RETREG1: variants seen among roughly 807,000 people sequenced by gnomAD.
The protein encoded by RETREG1 is reticulophagy regulator 1, also known as family with sequence similarity 134 member B.
RETREG1 carries 44 observed loss-of-function variants against 54.8 expected under a neutral mutation model. The ratio of observed to expected loss-of-function variants is 0.80; its 90% confidence interval spans 0.63 to 1.03. The LOEUF is 1.03. Among genes scored for constraint, RETREG1 ranks in the 50% least tolerant of loss-of-function variants. The pLI is 0.00. For missense variants in RETREG1, 554 were observed against 605.1 expected, an observed-to-expected ratio of 0.92 and a Z score of 0.89; for synonymous variants, 217 against 238.5, an observed-to-expected ratio of 0.91 and a Z score of 0.83.
intron 3 of RETREG1, among the ~76,000 whole-genome samples, chr5:16,549,429 T>C (rs903220651): frequency 6.6e-6 from 1 of 152,200 alleles, no homozygotes; most frequent in Non-Finnish European, 1.5e-5. Context: ...ACCGCTCATA[T>C]ATTAATATAA....
At chr5:16,507,987 T>A (rs1420053738) in intron 3 of RETREG1, among the ~76,000 whole-genome samples, 1 of 152,236 alleles carries the variant, frequency 6.6e-6, no homozygotes, top group Non-Finnish European at 1.5e-5. Flanking sequence ...TGAGCAGGAA[T>A]TAATTGTCTG....
rs760060896 is a variant in RETREG1, at chr5:16,483,373, A to G, written c.558T>C (p.Ser186=). ...TGCCAGGGCTCTGCTGTTTAAAAAG[A>G]GACATTTCTTGAAGAAATATGCTGA... ...MNFSIFLQEM[S]LFKQQSPGKF... is the part of the protein sequence containing the mutation. Residue 186 remains serine, a synonymous_variant, in exon 4 of 9, where the codon TCT becomes TCC. Transcript: ENST00000306320. The G allele has an allele frequency of 9.3e-6, 15 of 1,613,420 alleles. No homozygotes were observed. The highest frequency in any genetic ancestry group is 3.3e-4 in the Middle Eastern group (2 of 6,060).
chr5:16,608,917 A>T (rs1579728110), intron 1 of RETREG1, among the ~76,000 whole-genome samples: 1 of 152,166 alleles, frequency 6.6e-6, no homozygotes, highest in East Asian at 1.9e-4. Flanking sequence ...ATAGTCTCCT[A>T]TTTTTCTTTA....
chr5:16,515,955 T>C (rs1163973495), intron 3 of RETREG1, among the ~76,000 whole-genome samples: 1 of 151,588 alleles, frequency 6.6e-6, no homozygotes, highest in Non-Finnish European at 1.5e-5. Context: ...GAAAAACATA[T>C]ATGATGACCC....
rs117747359 is a variant in RETREG1 at position 16,543,848 on chromosome 5, T to C, written c.458+21915A>G. ...TTCAAATCGGCATAGTGGTATCTCA[T>C]TGTGGTTATAATTCGCCACTTTACT... On this transcript the variant is annotated intron_variant, in intron 3 of 8. Transcript: ENST00000306320. Among the ~76,000 whole-genome samples, 155 of 152,318 alleles carry C rather than the reference T, an allele frequency of 1.0e-3. 3 individuals carry two copies. In the East Asian group the frequency reaches 0.029, roughly 29 times the overall value.
chr5:16,533,548 T>C (rs2095510297), intron 3 of RETREG1, among the ~76,000 whole-genome samples: 1 of 152,120 alleles, frequency 6.6e-6, no homozygotes, highest in Admixed American at 6.5e-5. Flanking sequence ...AGAAGAACTT[T>C]CTGTGGTAAC....
At chr5:16,531,613 G>A (rs576183516) in intron 3 of RETREG1, among the ~76,000 whole-genome samples, 2 of 152,252 alleles carry the variant, frequency 1.3e-5, no homozygotes, top group African/African-American at 2.4e-5. Flanking sequence ...GGGGGTGGCA[G>A]AAAAGGCCTC....
At chr5:16,589,537 T>A (rs1742703995) in intron 1 of RETREG1, among the ~76,000 whole-genome samples, 1 of 152,148 alleles carries the variant, frequency 6.6e-6, no homozygotes, top group Non-Finnish European at 1.5e-5. Context: ...AGTTAACTTT[T>A]ATATTTTTAG....
At chr5:16,524,481 T>C (rs1740636027) in intron 3 of RETREG1, among the ~76,000 whole-genome samples, 1 of 152,224 alleles carries the variant, frequency 6.6e-6, no homozygotes, top group South Asian at 2.1e-4. Flanking sequence ...ACTTGGCTTC[T>C]TTACATCCAT....
intron 3 of RETREG1, among the ~76,000 whole-genome samples, chr5:16,521,764 G>A (rs1426553630): frequency 6.6e-6 from 1 of 152,250 alleles, no homozygotes; most frequent in South Asian, 2.1e-4. Context: ...CTTCCTTATT[G>A]CACTCTGCTG....
intron 1 of RETREG1, among the ~76,000 whole-genome samples, chr5:16,590,868 T>C (rs1349115977): frequency 8.1e-6 from 1 of 123,466 alleles, no homozygotes; most frequent in Admixed American, 8.2e-5. Flanking sequence ...AACACACACA[T>C]GCAAACATAC....
At chr5:16,501,446 G>T (rs1458110588) in intron 3 of RETREG1, among the ~76,000 whole-genome samples, 1 of 152,250 alleles carries the variant, frequency 6.6e-6, no homozygotes, top group African/African-American at 2.4e-5. Flanking sequence ...ACTGGAAAGT[G>T]ATTCCATGTA....
intron 4 of RETREG1, among the ~76,000 whole-genome samples, chr5:16,482,476 TA>T (rs111465146): frequency 0.031 from 4,634 of 151,034 alleles, 246 homozygotes; most frequent in African/African-American, 0.11. Flanking sequence ...CTTCAATGAA[TA>T]AAAAAAATGC....
chr5:16,574,353 C>A (rs1742270327), intron 1 of RETREG1, among the ~76,000 whole-genome samples: 1 of 152,078 alleles, frequency 6.6e-6, no homozygotes, highest in Non-Finnish European at 1.5e-5. Context: ...AGGTATAGAG[C>A]AGGGAAGTGA....
chr5:16,577,116 G>A (rs1433922262), intron 1 of RETREG1, among the ~76,000 whole-genome samples: 1 of 152,056 alleles, frequency 6.6e-6, no homozygotes, highest in Non-Finnish European at 1.5e-5. Flanking sequence ...TGGATTTTAA[G>A]TGTCCTGGAC....
rs921398587 is a variant in RETREG1 at position 16,479,040 on chromosome 5, G to A, written c.671-53C>T. 41 of 1,554,354 alleles carry A rather than the reference G, an allele frequency of 2.6e-5. 1 individual carries two copies. The highest frequency in any genetic ancestry group is 1.6e-4 in the South Asian group (14 of 88,194). On this transcript the variant is annotated intron_variant, in intron 5 of 8. Transcript: ENST00000306320. ...AATGCCTTTCCTTTCAAAAGGCTAC[G>A]TACATTTCAGTATTTCACAAAATAC...
chr5:16,530,383 C>A (rs887090143), intron 3 of RETREG1, among the ~76,000 whole-genome samples: 7 of 152,184 alleles, frequency 4.6e-5, no homozygotes, highest in African/African-American at 1.7e-4. Context: ...AGTTACTTAA[C>A]CTCTCTGTGC....
intron 3 of RETREG1, among the ~76,000 whole-genome samples, chr5:16,540,421 T>C (rs1285462135): frequency 6.6e-6 from 1 of 152,092 alleles, no homozygotes; most frequent in Non-Finnish European, 1.5e-5. Context: ...CAGGGCTAAG[T>C]AACGGATTCC....
At chr5:16,518,127 T>C (rs757936504) in intron 3 of RETREG1, among the ~76,000 whole-genome samples, 1 of 148,146 alleles carries the variant, frequency 6.8e-6, no homozygotes, top group Non-Finnish European at 1.5e-5. Flanking sequence ...CATATAATTG[T>C]ATATATTTAT....
Sources: allele counts gnomAD v4.1 joint callset (sites outside exome capture counted in the v4.1 genomes callset), GRCh38; gene constraint gnomAD v4.1.1; transcripts MANE v1.5; gene names NCBI Gene and HGNC (gene_info 2026-07-23, HGNC 2026-07-21).